ABCA13: variants seen among roughly 807,000 people sequenced by gnomAD.
The protein encoded by ABCA13 is ATP-binding cassette sub-family A member 13.
Under a neutral mutation model 478.7 loss-of-function variants are expected in ABCA13, and 476 were observed. The observed-to-expected ratio is 0.99, with a 90% CI of 0.92 to 1.07. ABCA13 has a LOEUF of 1.07. ABCA13 is among the 50% of genes least tolerant of loss of function. ABCA13 has a pLI of 0.00. For missense variants in ABCA13, 6,060 were observed against 5,910.6 expected (o/e 1.03, Z -0.83); for synonymous variants, 2,252 against 2,158.9 (o/e 1.04, Z -1.20).
intron 29 of ABCA13, among the ~76,000 whole-genome samples, chr7:48,340,549 C>T (rs971288369): frequency 1.2e-4 from 18 of 152,100 alleles, no homozygotes; most frequent in African/African-American, 3.9e-4. Context: ...TTAAAAGCCT[C>T]GGAGTTCTTT....
intron 41 of ABCA13, among the ~76,000 whole-genome samples, chr7:48,418,233 G>C (rs569958183): frequency 6.6e-6 from 1 of 152,344 alleles, no homozygotes; most frequent in East Asian, 1.9e-4. Flanking sequence ...TACAGTAAGA[G>C]TGTCTTTAGT....
intron 55 of ABCA13, among the ~76,000 whole-genome samples, chr7:48,534,896 T>C (rs1237081324): frequency 6.6e-6 from 1 of 152,110 alleles, no homozygotes; most frequent in Admixed American, 6.6e-5. Flanking sequence ...ACACTGGAGA[T>C]TTTTCCTTCC....
chr7:48,233,027 A>T (rs763672922), intron 7 of ABCA13, among the ~76,000 whole-genome samples: 50 of 152,232 alleles, frequency 3.3e-4, no homozygotes, highest in Non-Finnish European at 6.0e-4. Flanking sequence ...TTAATCTCAG[A>T]CACCAATCTT....
intron 3 of ABCA13, among the ~76,000 whole-genome samples, chr7:48,202,591 A>G (rs1440446883): frequency 6.6e-6 from 1 of 151,952 alleles, no homozygotes; most frequent in Admixed American, 6.6e-5. Flanking sequence ...ACAAACCTTG[A>G]GCTAGATACA....
In ABCA13 at chr7:48,273,257, G is replaced by A; in HGVS notation, c.3591G>A (p.Gln1197=). The A allele has an allele frequency of 1.2e-6, 2 of 1,613,654 alleles. No homozygotes were observed. Among genetic ancestry groups the A allele is most frequent in the Non-Finnish European group, 1.7e-6 (2 of 1,179,754 alleles). ...EDDVKVSKSC[Q]GILPTHNVAR... is the part of the protein sequence containing the mutation. ...ATGTGAAAGTCTCTAAAAGCTGCCA[G>A]GGTATACTTCCCACCCATAATGTTG... Residue 1197 remains glutamine, a synonymous_variant, in exon 17 of 62, where the codon CAG becomes CAA. Coordinates refer to ENST00000435803, the MANE Select transcript of ABCA13 (RefSeq NM_152701.5).
chr7:48,324,845 C>G (rs1434562874), intron 27 of ABCA13, among the ~76,000 whole-genome samples: 2 of 152,152 alleles, frequency 1.3e-5, no homozygotes. Context: ...AACTACCTAG[C>G]ACGGTACAAT....
chr7:48,542,161 A>G (rs1052081106), intron 55 of ABCA13, among the ~76,000 whole-genome samples: 3 of 151,716 alleles, frequency 2.0e-5, no homozygotes, highest in African/African-American at 4.8e-5. Context: ...AAAACCAGAA[A>G]GAGAATGAGA....
chr7:48,242,222 C>T (rs1054122912), intron 10 of ABCA13, among the ~76,000 whole-genome samples: 29 of 152,158 alleles, frequency 1.9e-4, no homozygotes, highest in Non-Finnish European at 2.8e-4. Context: ...TTTGCCTGCT[C>T]TGTGCCAGGC....
intron 58 of ABCA13, among the ~76,000 whole-genome samples, chr7:48,614,952 G>A (rs1329071448): frequency 6.7e-6 from 1 of 149,080 alleles, no homozygotes; most frequent in African/African-American, 2.4e-5. Flanking sequence ...GAGTTAATGG[G>A]TGCAGCACAC....
At chr7:48,283,648 A>G (rs575449359) in intron 19 of ABCA13, among the ~76,000 whole-genome samples, 5 of 152,314 alleles carry the variant, frequency 3.3e-5, no homozygotes, top group South Asian at 2.1e-4. Context: ...AATCTACACA[A>G]TCACTGATGG....
At chr7:48,450,674 A>G (rs1445965028) in intron 42 of ABCA13, among the ~76,000 whole-genome samples, 1 of 152,106 alleles carries the variant, frequency 6.6e-6, no homozygotes, top group Non-Finnish European at 1.5e-5. Flanking sequence ...ATAATTTCAT[A>G]TGTGATGTTT....
rs79743029 is a variant in ABCA13 at position 48,617,058 on chromosome 7, A to G, written c.14837+1681A>G. Among the ~76,000 whole-genome samples the G allele has an allele frequency of 4.6e-5, 7 of 152,272 alleles. No individual in the cohort carries two copies. The East Asian group carries it at 1.2e-3, about 25-fold the overall frequency. ...AAAAAGTAAAATAAAATAATTTGTAAAATGCTTATTCTCCTATAACTATAA... is the reference window on the plus strand; with the variant it reads ...AAAAAGTAAAATAAAATAATTTGTAGAATGCTTATTCTCCTATAACTATAA... On this transcript the variant is annotated intron_variant, in intron 59 of 61. Transcript: ENST00000435803.
intron 13 of ABCA13, among the ~76,000 whole-genome samples, chr7:48,246,709 T>C (rs1435594908): frequency 6.6e-6 from 1 of 152,166 alleles, no homozygotes; most frequent in African/African-American, 2.4e-5. Context: ...AGTAATTGAA[T>C]AGTGTGCATA....
chr7:48,505,723 G>T (rs771119710), intron 48 of ABCA13, among the ~76,000 whole-genome samples: 9 of 152,168 alleles, frequency 5.9e-5, no homozygotes, highest in Non-Finnish European at 1.3e-4. Context: ...TAGAATTTCT[G>T]GGGAAGCACT....
chr7:48,298,646 C>G (rs540274319), intron 23 of ABCA13, among the ~76,000 whole-genome samples, 159 bp downstream of exon 23: 12 of 152,290 alleles, frequency 7.9e-5, no homozygotes, highest in Admixed American at 7.8e-4. Context: ...AGAAAGGAAA[C>G]AAGAGAACAA....
chr7:48,477,051 G>A (rs1031972869), intron 45 of ABCA13, among the ~76,000 whole-genome samples: 5 of 152,122 alleles, frequency 3.3e-5, no homozygotes, highest in Non-Finnish European at 4.4e-5. Flanking sequence ...CTCAAGATCT[G>A]TAACTTAATA....
intron 7 of ABCA13, among the ~76,000 whole-genome samples, chr7:48,232,269 T>A (rs1169434966): frequency 3.4e-5 from 5 of 147,998 alleles, no homozygotes; most frequent in African/African-American, 1.3e-4. Flanking sequence ...AACCCAGAGG[T>A]GGGGTGCGAG....
At chr7:48,619,346 G>A (rs1307873280) in intron 59 of ABCA13, among the ~76,000 whole-genome samples, 1 of 151,862 alleles carries the variant, frequency 6.6e-6, no homozygotes, top group Non-Finnish European at 1.5e-5. Context: ...AATGCAATAG[G>A]CCACTATCTA....
intron 48 of ABCA13, among the ~76,000 whole-genome samples, chr7:48,505,580 GCC>G (rs1269800528): frequency 6.6e-6 from 1 of 152,124 alleles, no homozygotes; most frequent in African/African-American, 2.4e-5. Flanking sequence ...CCACATACAA[GCC>G]ACACATTTGA....
Sources: allele counts gnomAD v4.1 joint callset (sites outside exome capture counted in the v4.1 genomes callset), GRCh38; gene constraint gnomAD v4.1.1; transcripts MANE v1.5; gene names NCBI Gene and HGNC (gene_info 2026-07-23, HGNC 2026-07-21).